Variants in SNTG2 observed in about 807,000 individuals in gnomAD.
The protein encoded by SNTG2 is gamma-2-syntrophin.
Under a neutral mutation model 70.9 loss-of-function variants are expected in SNTG2, and 74 were observed. That is an observed-to-expected ratio of 1.04 (90% confidence interval 0.86 to 1.27). The LOEUF (loss-of-function observed/expected upper bound fraction) is 1.27, where lower values mean the gene tolerates loss of function less well. SNTG2 is among the 50% of genes most tolerant of loss of function. SNTG2 has a pLI of 0.00. For synonymous variants in SNTG2, 278 were observed against 273.8 expected (o/e 1.02, Z -0.15); for missense variants, 717 against 690.7 (o/e 1.04, Z -0.43).
chr2:1,019,733 G>A (rs547025673), intron 1 of SNTG2, among the ~76,000 whole-genome samples: 30 of 152,280 alleles, frequency 2.0e-4, no homozygotes, highest in Middle Eastern at 6.8e-3. Flanking sequence ...AGGCTCATGC[G>A]AGGTGGGCGA....
At chr2:1,260,210 A>G (rs192018237) in intron 13 of SNTG2, among the ~76,000 whole-genome samples, 5 of 152,212 alleles carry the variant, frequency 3.3e-5, no homozygotes, top group African/African-American at 1.2e-4. Context: ...TTGTCTTTCA[A>G]AGTTTGGTTT....
chr2:1,026,449 C>T (rs1660484266), intron 1 of SNTG2, among the ~76,000 whole-genome samples: 1 of 152,032 alleles, frequency 6.6e-6, no homozygotes, highest in South Asian at 2.1e-4. Context: ...AGCCCTCTGA[C>T]AATAGTTTTA....
At chr2:1,224,929 A>G (rs867613721) in intron 9 of SNTG2, among the ~76,000 whole-genome samples, 1 of 152,216 alleles carries the variant, frequency 6.6e-6, no homozygotes, top group Non-Finnish European at 1.5e-5. Flanking sequence ...TGTGTTTAAC[A>G]CCTAAACAAA....
At chr2:1,037,500 T>C (rs1452919169) in intron 1 of SNTG2, among the ~76,000 whole-genome samples, 3 of 152,314 alleles carry the variant, frequency 2.0e-5, no homozygotes, top group East Asian at 3.9e-4. Flanking sequence ...TACAGCCATT[T>C]TGCATGCTCC....
At chr2:1,296,302 G>A (rs902238355) in intron 14 of SNTG2, among the ~76,000 whole-genome samples, 8 of 152,196 alleles carry the variant, frequency 5.3e-5, no homozygotes, top group African/African-American at 1.7e-4. Flanking sequence ...GTTAAATAAC[G>A]GTATATTTAT....
chr2:1,362,428 T>A (rs1240382236), intron 16 of SNTG2, among the ~76,000 whole-genome samples: 2 of 151,742 alleles, frequency 1.3e-5, no homozygotes, highest in African/African-American at 4.9e-5. Context: ...TCACTAACGC[T>A]GAGCATTTCA....
At chr2:1,069,435 A>G (rs939604532) in intron 1 of SNTG2, among the ~76,000 whole-genome samples, 1 of 151,986 alleles carries the variant, frequency 6.6e-6, no homozygotes, top group Non-Finnish European at 1.5e-5. Context: ...ATTCTGGTCT[A>G]AAGCAATGCA....
intron 1 of SNTG2, among the ~76,000 whole-genome samples, chr2:1,077,544 C>A (rs530053129): frequency 6.6e-6 from 1 of 152,268 alleles, no homozygotes; most frequent in South Asian, 2.1e-4. Context: ...GCTCCATGAA[C>A]CCCGGGTCTG....
intron 1 of SNTG2, among the ~76,000 whole-genome samples, chr2:982,508 G>T (rs1661139563): frequency 1.3e-5 from 2 of 152,172 alleles, no homozygotes; most frequent in Non-Finnish European, 2.9e-5. Context: ...TTGTGTTCCT[G>T]TTCCCTCCTG....
intron 14 of SNTG2, among the ~76,000 whole-genome samples, chr2:1,302,635 C>T (rs953019351): frequency 9.9e-5 from 15 of 151,358 alleles, no homozygotes; most frequent in African/African-American, 3.4e-4. Flanking sequence ...TATCAGTCTT[C>T]AGCCCTAAGA....
At chr2:1,177,055 C>T (rs552077068) in intron 8 of SNTG2, among the ~76,000 whole-genome samples, 13 of 152,172 alleles carry the variant, frequency 8.5e-5, no homozygotes, top group African/African-American at 3.1e-4. Flanking sequence ...GCACTATTCA[C>T]AATTGTAAAC....
chr2:1,257,209 G>T (rs1185925771), intron 12 of SNTG2, among the ~76,000 whole-genome samples: 1 of 152,144 alleles, frequency 6.6e-6, no homozygotes, highest in African/African-American at 2.4e-5. Context: ...GTCCACAATA[G>T]AAATGGTTCC....
At chr2:1,364,597 T>TA (rs1418035054) in intron 16 of SNTG2, among the ~76,000 whole-genome samples, 3 of 72,592 alleles carry the variant, frequency 4.1e-5, no homozygotes, top group East Asian at 3.4e-3. Flanking sequence ...CCACTAAAAA[T>TA]ACAAAAAAAA....
At chr2:1,034,400 C>T (rs552938670) in intron 1 of SNTG2, among the ~76,000 whole-genome samples, 6 of 152,228 alleles carry the variant, frequency 3.9e-5, no homozygotes, top group Admixed American at 6.5e-5. Context: ...TTGTGAATAG[C>T]GCTGCATTGA....
intron 1 of SNTG2, among the ~76,000 whole-genome samples, chr2:999,824 A>G (rs2147986532): frequency 6.6e-6 from 1 of 152,008 alleles, no homozygotes; most frequent in African/African-American, 2.4e-5. Flanking sequence ...CAGATTATAT[A>G]CTCTTCTCTT....
intron 2 of SNTG2, among the ~76,000 whole-genome samples, chr2:1,096,444 T>A (rs1366463643): frequency 6.6e-6 from 1 of 152,140 alleles, no homozygotes; most frequent in Non-Finnish European, 1.5e-5. Flanking sequence ...TTGTTTACCT[T>A]ACAGCTGAAA....
chr2:1,299,112 T>C (rs1303326575), intron 14 of SNTG2, among the ~76,000 whole-genome samples: 1 of 152,204 alleles, frequency 6.6e-6, no homozygotes, highest in Non-Finnish European at 1.5e-5. Flanking sequence ...CCCTGACTAA[T>C]ACAAGATACT....
chr2:1,307,605 G>C (rs146400019), intron 14 of SNTG2, among the ~76,000 whole-genome samples: 1 of 152,152 alleles, frequency 6.6e-6, no homozygotes. Flanking sequence ...CCAGCTCAAA[G>C]CAATGGCTCC....
At chr2:1,081,263 C>G (rs2148164330) in intron 1 of SNTG2, among the ~76,000 whole-genome samples, 1 of 152,262 alleles carries the variant, frequency 6.6e-6, no homozygotes, top group South Asian at 2.1e-4. Context: ...CATCAGGCGC[C>G]CGTGTGTGAG....
Sources: gnomAD v4.1 joint callset for allele counts (sites outside exome capture counted in the v4.1 genomes callset) on GRCh38, gnomAD v4.1.1 for gene constraint, MANE v1.5 for transcripts, NCBI Gene and HGNC (gene_info 2026-07-23, HGNC 2026-07-21) for gene names.